Variants in EXOC6B observed in about 807,000 individuals in gnomAD.
The protein encoded by EXOC6B is exocyst complex component 6B, also known as SEC15 homolog B.
A neutral mutation model predicts 113.5 loss-of-function variants in EXOC6B; 54 were observed. That is an observed-to-expected ratio of 0.48 (90% confidence interval 0.38 to 0.60). The LOEUF is 0.60. EXOC6B is among the 20% of genes least tolerant of loss of function. The probability of loss-of-function intolerance (pLI) is 0.00; values close to 1 mark genes in which losing one functional copy is unlikely to be tolerated. For missense variants in EXOC6B, 797 were observed against 977.5 expected (o/e 0.82, Z 2.46); for synonymous variants, 357 against 339.0 (o/e 1.05, Z -0.58).
chr2:72,676,074 T>C (rs1408199112), intron 6 of EXOC6B, among the ~76,000 whole-genome samples: 1 of 150,426 alleles, frequency 6.6e-6, no homozygotes, highest in Non-Finnish European at 1.5e-5. Flanking sequence ...TGAAGGCATA[T>C]GGCATGAACA....
At chr2:72,237,345 T>C (rs1288518027) in intron 20 of EXOC6B, among the ~76,000 whole-genome samples, 1 of 152,242 alleles carries the variant, frequency 6.6e-6, no homozygotes, top group East Asian at 1.9e-4. Flanking sequence ...ATTGGCCAGA[T>C]ATATTTTCTC....
At chr2:72,220,603 G>T (rs1006095720) in intron 20 of EXOC6B, among the ~76,000 whole-genome samples, 10 of 152,074 alleles carry the variant, frequency 6.6e-5, no homozygotes, top group Admixed American at 6.6e-5. Context: ...TCCCTTCAAT[G>T]AAATTCACTT....
chr2:72,601,080 C>T (rs1203712142), intron 6 of EXOC6B, among the ~76,000 whole-genome samples: 1 of 149,714 alleles, frequency 6.7e-6, no homozygotes, highest in Non-Finnish European at 1.5e-5. Flanking sequence ...AAGTAGACAC[C>T]ATTATAGACT....
intron 18 of EXOC6B, among the ~76,000 whole-genome samples, chr2:72,434,606 A>G (rs969362302): frequency 3.3e-5 from 5 of 152,190 alleles, no homozygotes; most frequent in African/African-American, 1.2e-4. Flanking sequence ...CTATTAAGAG[A>G]TTCAACTTCT....
chr2:72,276,709 T>C (rs921218484), intron 20 of EXOC6B, among the ~76,000 whole-genome samples: 1 of 152,188 alleles, frequency 6.6e-6, no homozygotes, highest in South Asian at 2.1e-4. Context: ...TCAAATGATA[T>C]AAATGACTCA....
intron 19 of EXOC6B, among the ~76,000 whole-genome samples, chr2:72,366,441 A>G (rs1327803982): frequency 2.0e-5 from 3 of 152,206 alleles, no homozygotes; most frequent in Non-Finnish European, 4.4e-5. Flanking sequence ...TAAACAGAGT[A>G]TCGGTAACCA....
intron 8 of EXOC6B, among the ~76,000 whole-genome samples, chr2:72,527,143 A>T (rs1412227666): frequency 1.3e-5 from 2 of 152,008 alleles, no homozygotes; most frequent in Non-Finnish European, 2.9e-5. Context: ...ATTTCTATGT[A>T]ACATATAATT....
chr2:72,610,532 A>G (rs1367818369), intron 6 of EXOC6B, among the ~76,000 whole-genome samples: 1 of 152,212 alleles, frequency 6.6e-6, no homozygotes, highest in Non-Finnish European at 1.5e-5. Flanking sequence ...AGGGACATAG[A>G]AGGTAGCCTG....
At chr2:72,206,991 A>G (rs1679880223) in intron 20 of EXOC6B, among the ~76,000 whole-genome samples, 1 of 152,232 alleles carries the variant, frequency 6.6e-6, no homozygotes, top group South Asian at 2.1e-4. Context: ...ATGACTGTCA[A>G]CAATTTGGTA....
intron 11 of EXOC6B, among the ~76,000 whole-genome samples, chr2:72,500,392 A>G (rs1274325684): frequency 3.3e-5 from 5 of 152,228 alleles, no homozygotes; most frequent in Non-Finnish European, 7.3e-5. Context: ...AAACAAACTA[A>G]GCACTGAACT....
intron 20 of EXOC6B, among the ~76,000 whole-genome samples, chr2:72,227,940 G>T (rs1681346844): frequency 6.6e-6 from 1 of 152,140 alleles, no homozygotes. Flanking sequence ...AGGCCAAGAA[G>T]AGTATTGATG....
intron 1 of EXOC6B, among the ~76,000 whole-genome samples, chr2:72,793,568 C>T (rs1022721913): frequency 3.3e-5 from 5 of 151,946 alleles, no homozygotes; most frequent in South Asian, 2.1e-4. Flanking sequence ...ATAAAATAAA[C>T]GACTGAACTA....
chr2:72,272,240 A>G (rs565607652), intron 20 of EXOC6B, among the ~76,000 whole-genome samples: 10 of 152,316 alleles, frequency 6.6e-5, no homozygotes, highest in Non-Finnish European at 1.2e-4. Context: ...TGCAGGACTT[A>G]GCTCATCAAC....
intron 17 of EXOC6B, among the ~76,000 whole-genome samples, chr2:72,478,559 T>C (rs1405260752): frequency 6.6e-6 from 1 of 152,218 alleles, no homozygotes; most frequent in African/African-American, 2.4e-5. Flanking sequence ...ATAAGCACTG[T>C]CAACATGACC....
chr2:72,483,770 T>C (rs1156416195), intron 16 of EXOC6B, among the ~76,000 whole-genome samples: 1 of 152,196 alleles, frequency 6.6e-6, no homozygotes, highest in Non-Finnish European at 1.5e-5. Flanking sequence ...TTGGGCATAA[T>C]TTCAAATTGA....
At position 72,825,728 on chromosome 2, in the gene EXOC6B, G is replaced by A; in HGVS notation, c.113+70C>T. The A allele has an allele frequency of 6.8e-7, 1 of 1,462,608 alleles. No individual in the cohort carries two copies. Among genetic ancestry groups the A allele is most frequent in the Non-Finnish European group, 9.1e-7 (1 of 1,103,416 alleles). The allele number at this position is 1,462,608 out of a possible 1,614,324, so 90.6% of individuals were successfully genotyped here. On this transcript the variant is annotated intron_variant, in intron 1 of 21. Transcript: ENST00000272427. This position sits in a 1 kb window ranked among gnomAD's most constrained non-coding sequence, Gnocchi z 4.4. ...CCGGACCTGGGGACAGCCGGCCGGAGGCCCGACCCAGAGGAGCCTGCCCCG... is the reference window on the plus strand; with the variant it reads ...CCGGACCTGGGGACAGCCGGCCGGAAGCCCGACCCAGAGGAGCCTGCCCCG...
At chr2:72,739,167 G>A (rs373036909) in intron 2 of EXOC6B, among the ~76,000 whole-genome samples, 1 of 152,136 alleles carries the variant, frequency 6.6e-6, no homozygotes, top group Non-Finnish European at 1.5e-5. Context: ...ATTAAGTGAT[G>A]TTAGGAACAC....
intron 18 of EXOC6B, among the ~76,000 whole-genome samples, chr2:72,393,095 T>G (rs569929063): frequency 1.0e-3 from 159 of 151,852 alleles, no homozygotes; most frequent in South Asian, 6.5e-3. Context: ...TGTTTGTTTT[T>G]GGGGTTCTTT....
chr2:72,380,629 G>A (rs972351723), intron 18 of EXOC6B, among the ~76,000 whole-genome samples: 4 of 151,544 alleles, frequency 2.6e-5, no homozygotes, highest in Non-Finnish European at 4.4e-5. Context: ...GAGAGACTCC[G>A]CCTCAAAAAA....
Sources: gnomAD v4.1 joint callset for allele counts (sites outside exome capture counted in the v4.1 genomes callset) on GRCh38, gnomAD v4.1.1 for gene constraint, Gnocchi (gnomAD v3.1) non-coding constraint, MANE v1.5 for transcripts, NCBI Gene and HGNC (gene_info 2026-07-23, HGNC 2026-07-21) for gene names.